TMC7: variants seen among roughly 807,000 people sequenced by gnomAD.
The protein encoded by TMC7 is transmembrane channel-like protein 7.
A neutral mutation model predicts 82.9 loss-of-function variants in TMC7; 54 were observed. That is an observed-to-expected ratio of 0.65 (90% CI 0.52 to 0.82). The LOEUF is 0.82. TMC7 is among the 40% of genes least tolerant of loss of function. The pLI is 0.00. For synonymous variants in TMC7, 350 were observed against 337.9 expected (o/e 1.04, Z -0.39); for missense variants, 820 against 901.2 (o/e 0.91, Z 1.15).
At chr16:19,009,050 G>A in intron 1 of TMC7, 122 bp from the exon 2 acceptor site, 1 of 1,119,210 alleles carries the variant, frequency 8.9e-7, no homozygotes, top group South Asian at 1.5e-5. Flanking sequence ...TCAAAATGCT[G>A]TCGTCACTGA....
At chr16:19,028,155 C>T (rs1960323188) in intron 5 of TMC7, among the ~76,000 whole-genome samples, 1 of 152,076 alleles carries the variant, frequency 6.6e-6, no homozygotes, top group Non-Finnish European at 1.5e-5. Context: ...TACAATGTTT[C>T]TGCTATATCT....
chr16:18,989,896 C>T (rs952760571), intron 1 of TMC7, among the ~76,000 whole-genome samples: 15 of 151,774 alleles, frequency 9.9e-5, no homozygotes, highest in Admixed American at 1.3e-4. Flanking sequence ...GTTTCATGCG[C>T]GTCCATGTGA....
chr16:19,009,561 G>C, intron 2 of TMC7, 146 bp downstream of exon 2: 1 of 1,032,798 alleles, frequency 9.7e-7, no homozygotes, highest in East Asian at 2.5e-5. Flanking sequence ...AAACATACCT[G>C]AATTTTCTTC....
intron 13 of TMC7, 112 bp from the exon 14 acceptor site, chr16:19,056,430 T>G: frequency 7.8e-7 from 1 of 1,284,894 alleles, no homozygotes. Context: ...GCCCAGGAGG[T>G]TAGGTGGCTC....
chr16:19,022,569 A>G (rs1221770443), intron 4 of TMC7, among the ~76,000 whole-genome samples: 1 of 152,216 alleles, frequency 6.6e-6, no homozygotes, highest in Non-Finnish European at 1.5e-5. Context: ...AGCATAGGCC[A>G]TACCATACAG....
At chr16:18,998,040 T>C (rs958227961) in intron 1 of TMC7, among the ~76,000 whole-genome samples, 2 of 152,130 alleles carry the variant, frequency 1.3e-5, no homozygotes, top group African/African-American at 4.8e-5. Context: ...CCAACCTTTT[T>C]TTTTGTAATT....
intron 1 of TMC7, among the ~76,000 whole-genome samples, chr16:18,993,528 A>G (rs748837663): frequency 1.1e-4 from 16 of 152,192 alleles, no homozygotes; most frequent in African/African-American, 3.1e-4. Context: ...AAAACGGGCC[A>G]TGAGGGACAG....
chr16:18,984,522 A>G (rs2038809499), intron 1 of TMC7: 1 of 1,023,864 alleles, frequency 9.8e-7, no homozygotes, highest in Non-Finnish European at 1.2e-6. Flanking sequence ...GCCTTCACAT[A>G]CAGTTAGACC....
intron 10 of TMC7, 75 bp from the exon 11 acceptor site, chr16:19,045,266 G>A: frequency 5.0e-6 from 6 of 1,193,242 alleles, no homozygotes; most frequent in Non-Finnish European, 7.5e-6. Context: ...AAGGGAATTA[G>A]AAGGTGTCTT....
chr16:19,031,121 A>G (rs1960496280), intron 6 of TMC7, among the ~76,000 whole-genome samples: 1 of 152,168 alleles, frequency 6.6e-6, no homozygotes, highest in South Asian at 2.1e-4. Context: ...CTCGTCTTCA[A>G]TTCTTAGGTG....
intron 1 of TMC7, among the ~76,000 whole-genome samples, chr16:18,987,176 C>T (rs935674310): frequency 6.6e-6 from 1 of 152,168 alleles, no homozygotes; most frequent in African/African-American, 2.4e-5. Context: ...ACCTCTGGGG[C>T]GGTCTATCTG....
chr16:18,986,344 G>C (rs1428424772), intron 1 of TMC7, among the ~76,000 whole-genome samples: 1 of 147,376 alleles, frequency 6.8e-6, no homozygotes, highest in Non-Finnish European at 1.5e-5. Context: ...GCAGTGAGCC[G>C]AGATTGTGCC....
intron 6 of TMC7, chr16:19,033,799 A>T (rs549972227): frequency 6.6e-6 from 1 of 152,352 alleles, no homozygotes; most frequent in East Asian, 1.9e-4. Flanking sequence ...CATGAGACCT[A>T]TCGAATTGAA....
chr16:19,018,904 G>A (rs1336776610), intron 3 of TMC7, among the ~76,000 whole-genome samples: 2 of 152,186 alleles, frequency 1.3e-5, no homozygotes, highest in African/African-American at 4.8e-5. Context: ...AGGCCGGAGG[G>A]CAATGGTGCA....
At chr16:19,021,508 A>G (rs1959973483) in intron 3 of TMC7, 121 bp from the exon 4 acceptor site, 1 of 1,086,620 alleles carries the variant, frequency 9.2e-7, no homozygotes, top group East Asian at 2.4e-5. Flanking sequence ...AAAAAAATAA[A>G]ACGTTTCTTC....
At chr16:19,004,949 T>C (rs2039210135) in intron 1 of TMC7, among the ~76,000 whole-genome samples, 2 of 152,006 alleles carry the variant, frequency 1.3e-5, no homozygotes, top group Admixed American at 1.3e-4. Flanking sequence ...GCAATCCTCC[T>C]GCTTTAGCCT....
At chr16:19,034,046 A>G (rs1960632668) in intron 6 of TMC7, among the ~76,000 whole-genome samples, 1 of 152,166 alleles carries the variant, frequency 6.6e-6, no homozygotes, top group Non-Finnish European at 1.5e-5. Flanking sequence ...TTTCCATGAA[A>G]GCATTTGAAT....
intron 12 of TMC7, among the ~76,000 whole-genome samples, chr16:19,048,234 A>C (rs6497321): frequency 0.92 from 139,504 of 151,222 alleles, 64,750 homozygotes; most frequent in Non-Finnish European, 0.97. Flanking sequence ...CTTCAACCCC[A>C]CAAAGTGCTG....
chr16:19,046,926 T>C lies in TMC7; in HGVS notation c.1554-137T>C, dbSNP rs140301320. On this transcript the variant is annotated intron_variant, in intron 11 of 15. Transcript: ENST00000304381. ...CTGATCTTAATGATTCCAGAGTTCA[T>C]TATATTCTGCATCTTTAAGACATTT... The C allele has an allele frequency of 6.0e-5, 42 of 700,372 alleles. No individual in the cohort carries two copies. The African/African-American group carries it at 6.9e-4, about 12-fold the overall frequency. 43.4% of individuals were successfully genotyped at this position (700,372 alleles called of 1,614,324 possible). A position where few individuals can be genotyped will look rare whatever the true frequency, so the allele number is the denominator to read the frequency against.
Sources: gnomAD v4.1 joint callset for allele counts (sites outside exome capture counted in the v4.1 genomes callset) on GRCh38, gnomAD v4.1.1 for gene constraint, MANE v1.5 for transcripts, NCBI Gene and HGNC (gene_info 2026-07-23, HGNC 2026-07-21) for gene names.